GRID2: variants seen among roughly 807,000 people sequenced by gnomAD.
GRID2 encodes glutamate receptor ionotropic, delta-2.
GRID2 carries 33 observed loss-of-function variants against 114.8 expected under a neutral mutation model. The observed-to-expected ratio is 0.29, with a 90% confidence interval of 0.22 to 0.38. GRID2 has a LOEUF of 0.38. Ranked by LOEUF, GRID2 falls within the 10% of genes least tolerant of loss-of-function variation. The pLI is 1.00. For missense variants in GRID2, 1,184 were observed against 1,257.7 expected, an observed-to-expected ratio of 0.94 and a Z score of 0.89; for synonymous variants, 505 against 449.9, an observed-to-expected ratio of 1.12 and a Z score of -1.55.
chr4:93,290,872 CTT>C (rs56735687), intron 8 of GRID2, among the ~76,000 whole-genome samples: 33 of 88,524 alleles, frequency 3.7e-4, no homozygotes, highest in African/African-American at 1.4e-3. Context: ...ATACAAGTTA[CTT>C]TTTTTTTTTT....
At position 92,331,355 on chromosome 4, in the gene GRID2, G is replaced by C. The variant is rs147172997; in HGVS notation, c.88+26611G>C. Among the ~76,000 whole-genome samples the C allele has an allele frequency of 7.0e-4, 106 of 152,254 alleles. 1 individual carries two copies. The highest frequency in any genetic ancestry group is 5.6e-3 in the Admixed American group (86 of 15,288). On this transcript the variant is annotated intron_variant, in intron 1 of 15. Transcript: ENST00000282020. ...GGTGAAATTCAGGTTACGGCACTTA[G>C]CCCGATCTGTCTTACTTTAGTTAGC...
chr4:92,446,021 C>T (rs1215765941), intron 1 of GRID2, among the ~76,000 whole-genome samples: 1 of 152,198 alleles, frequency 6.6e-6, no homozygotes, highest in African/African-American at 2.4e-5. Context: ...TTTCGGCTCA[C>T]TGCAACCTCT....
chr4:92,744,880 C>T (rs1036988238), intron 2 of GRID2, among the ~76,000 whole-genome samples: 5 of 152,024 alleles, frequency 3.3e-5, no homozygotes, highest in Non-Finnish European at 7.4e-5. Context: ...AGATTTCTGG[C>T]GTTCTGTCTG....
chr4:93,330,720 TC>T (rs1758334290), intron 8 of GRID2, among the ~76,000 whole-genome samples: 1 of 152,132 alleles, frequency 6.6e-6, no homozygotes, highest in Admixed American at 6.5e-5. Flanking sequence ...TACACACAAT[TC>T]CATGCAAACC....
chr4:93,302,093 G>GA (rs957488532), intron 8 of GRID2, among the ~76,000 whole-genome samples: 1 of 152,010 alleles, frequency 6.6e-6, no homozygotes, highest in African/African-American at 2.4e-5. Flanking sequence ...TTTCAAAGAA[G>GA]AAAAAATATG....
chr4:92,994,735 T>A (rs1274011155), intron 2 of GRID2, among the ~76,000 whole-genome samples: 1 of 152,190 alleles, frequency 6.6e-6, no homozygotes, highest in Non-Finnish European at 1.5e-5. Flanking sequence ...CTCAAGTTGA[T>A]GAAAGGCCAT....
chr4:93,790,042 G>A (rs1019203913), intron 1 of GRID2, among the ~76,000 whole-genome samples: 16 of 151,912 alleles, frequency 1.1e-4, no homozygotes, highest in Non-Finnish European at 2.2e-4. Flanking sequence ...GATCTGAGGT[G>A]GAACAGTTTC....
At chr4:92,548,860 A>G (rs1223350650) in intron 1 of GRID2, among the ~76,000 whole-genome samples, 2 of 152,058 alleles carry the variant, frequency 1.3e-5, no homozygotes, top group East Asian at 3.9e-4. Flanking sequence ...GAGAAGGAGG[A>G]AGTAAAGAAA....
At chr4:92,428,946 A>G (rs1732298970) in intron 1 of GRID2, among the ~76,000 whole-genome samples, 1 of 152,084 alleles carries the variant, frequency 6.6e-6, no homozygotes, top group African/African-American at 2.4e-5. Flanking sequence ...TACATGTGCC[A>G]TGGTGGTTTG....
intron 2 of GRID2, among the ~76,000 whole-genome samples, chr4:92,756,187 A>C (rs1329390781): frequency 6.6e-6 from 1 of 152,138 alleles, no homozygotes; most frequent in Non-Finnish European, 1.5e-5. Context: ...GAGTGAGCAC[A>C]TGGGATATTT....
chr4:92,357,115 C>G (rs564498285), intron 1 of GRID2, among the ~76,000 whole-genome samples: 1 of 151,630 alleles, frequency 6.6e-6, no homozygotes, highest in African/African-American at 2.4e-5. Flanking sequence ...AACTTTGGAT[C>G]AAGTGTCTGT....
At chr4:92,847,777 C>T (rs1168848786) in intron 2 of GRID2, among the ~76,000 whole-genome samples, 2 of 151,894 alleles carry the variant, frequency 1.3e-5, no homozygotes, top group Admixed American at 6.6e-5. Flanking sequence ...TGTTTCATGA[C>T]ACAGGACAGT....
intron 2 of GRID2, among the ~76,000 whole-genome samples, chr4:93,014,242 T>G (rs934481587): frequency 6.6e-6 from 1 of 152,052 alleles, no homozygotes; most frequent in African/African-American, 2.4e-5. Flanking sequence ...ACTGCATGCC[T>G]GATCACCACC....
chr4:92,848,040 A>G (rs1025613170), intron 2 of GRID2, among the ~76,000 whole-genome samples: 1 of 151,996 alleles, frequency 6.6e-6, no homozygotes, highest in African/African-American at 2.4e-5. Context: ...TTATCTTACT[A>G]GATTTTGCTA....
intron 1 of GRID2, among the ~76,000 whole-genome samples, chr4:92,381,227 G>A (rs1729605855): frequency 6.6e-6 from 1 of 152,016 alleles, no homozygotes; most frequent in Non-Finnish European, 1.5e-5. Context: ...ACTCAGCTAA[G>A]GTTGCCAGGT....
At chr4:93,233,260 T>C (rs957815604) in intron 7 of GRID2, among the ~76,000 whole-genome samples, 5 of 151,968 alleles carry the variant, frequency 3.3e-5, no homozygotes, top group Non-Finnish European at 5.9e-5. Flanking sequence ...AAGGGTTTGA[T>C]AAACGATGTT....
chr4:93,361,702 T>C (rs575166830), intron 8 of GRID2, among the ~76,000 whole-genome samples: 1 of 152,212 alleles, frequency 6.6e-6, no homozygotes, highest in Non-Finnish European at 1.5e-5. Flanking sequence ...GTGGGTGTTA[T>C]TTTCTTGCTT....
chr4:93,335,447 T>C (rs148603666), intron 8 of GRID2, among the ~76,000 whole-genome samples: 2 of 152,306 alleles, frequency 1.3e-5, no homozygotes, highest in East Asian at 1.9e-4. Context: ...ATAGAATATG[T>C]TGTCATTTGG....
intron 2 of GRID2, among the ~76,000 whole-genome samples, chr4:92,783,576 A>G (rs1480465731): frequency 6.6e-6 from 1 of 152,026 alleles, no homozygotes; most frequent in Non-Finnish European, 1.5e-5. Flanking sequence ...ATTTTATGTC[A>G]TTAGCTCTAA....
Sources: allele counts gnomAD v4.1 joint callset (sites outside exome capture counted in the v4.1 genomes callset), GRCh38; gene constraint gnomAD v4.1.1; transcripts MANE v1.5; gene names NCBI Gene and HGNC (gene_info 2026-07-23, HGNC 2026-07-21).